Variants in DTWD1 observed in about 807,000 individuals in gnomAD.
The protein encoded by DTWD1 is DTW motif tRNA-uridine aminocarboxypropyltransferase 1, also known as tRNA-uridine aminocarboxypropyltransferase 1.
In DTWD1, 27 loss-of-function variants were observed where a neutral mutation model predicts 30.2. The observed-to-expected ratio is 0.90, with a 90% CI of 0.66 to 1.23. DTWD1 has a LOEUF of 1.23. Ranked by LOEUF, DTWD1 falls within the 50% of genes most tolerant of loss-of-function variation. The pLI is 0.00. For synonymous variants in DTWD1, 99 were observed against 113.1 expected (o/e 0.88, Z 0.79); for missense variants, 342 against 348.8 (o/e 0.98, Z 0.15).
chr15:49,643,492 C>G lies in DTWD1; in HGVS notation c.829C>G (p.Leu277Val), dbSNP rs1455272657. The G allele has an allele frequency of 3.1e-6, 5 of 1,608,906 alleles. No homozygotes were observed. The highest frequency in any genetic ancestry group is 4.2e-6 in the Non-Finnish European group (5 of 1,177,520). Residue 277 changes from leucine (L) to valine (V), a missense_variant, in exon 5 of 5, where the codon CTT becomes GTT. Coordinates refer to ENST00000403028, the MANE Select transcript of DTWD1 (RefSeq NM_001144955.2). ...KEKYRGQYDN[L>V]LFFYSFMYQL... ...GAAATACAGAGGGCAATATGACAAT[C>G]TTTTATTTTTCTATTCTTTTATGTA...
intron 4 of DTWD1, among the ~76,000 whole-genome samples, chr15:49,639,811 C>T (rs945351009): frequency 5.9e-5 from 9 of 152,158 alleles, no homozygotes; most frequent in African/African-American, 2.2e-4. Flanking sequence ...AATTTTTAAG[C>T]TTGTCATTGA....
chr15:49,632,533 T>G (rs1398474957), intron 3 of DTWD1, among the ~76,000 whole-genome samples: 1 of 152,226 alleles, frequency 6.6e-6, no homozygotes, highest in African/African-American at 2.4e-5. Flanking sequence ...TCTTCTGCCT[T>G]ATTTCTTCAG....
chr15:49,626,174 A>G (rs7175805), intron 2 of DTWD1, among the ~76,000 whole-genome samples: 9,083 of 152,180 alleles, frequency 0.06, 705 homozygotes, highest in African/African-American at 0.18. Context: ...ATACTAAAAA[A>G]AAAGTTTATA....
In DTWD1 at chr15:49,652,748, A is replaced by G. The variant is rs574947853; in HGVS notation, c.*9170A>G. 31 of 152,276 alleles carry G rather than the reference A, an allele frequency of 2.0e-4. No homozygotes were observed. The highest frequency in any genetic ancestry group is 7.5e-4 in the African/African-American group (31 of 41,572). 9.4% of individuals were successfully genotyped at this position (152,276 alleles called of 1,614,324 possible). On this transcript the variant is annotated 3_prime_UTR_variant, in exon 5 of 5. Coordinates refer to ENST00000403028, the MANE Select transcript of DTWD1 (RefSeq NM_001144955.2). Reference sequence around the variant, plus strand: ...TCCCTAAGCATACAGGGAGACATAGATCTATGTGGAGCAAAGGGTGGATTG... The same window carrying G: ...TCCCTAAGCATACAGGGAGACATAGGTCTATGTGGAGCAAAGGGTGGATTG...
Position 49,643,546 on chromosome 15 carries a change from G to C in DTWD1, c.883G>C (p.Gly295Arg). 6.3e-7 allele frequency: 1 copy of C among 1,598,752 alleles called. No homozygotes were observed. Among genetic ancestry groups the C allele is most frequent in the Non-Finnish European group, 8.5e-7 (1 of 1,174,874 alleles). ...GTTGATAAAGAATGCCAAATGCTCT[G>C]GAGATAAGGAAACAGGAAAACTTAC... ...YQLIKNAKCS[G>R]DKETGKLTH The change falls in exon 5 of 5, where the codon GGA (glycine) becomes CGA (arginine). Residue 295 changes from glycine (G) to arginine (R), a missense_variant. Transcript: ENST00000403028.
chr15:49,627,405 A>G (rs994966097), intron 2 of DTWD1, among the ~76,000 whole-genome samples: 3 of 152,202 alleles, frequency 2.0e-5, no homozygotes, highest in African/African-American at 4.8e-5. Flanking sequence ...GAGGATGACA[A>G]TATAATGAGT....
intron 4 of DTWD1, among the ~76,000 whole-genome samples, chr15:49,636,075 A>G (rs548821768): frequency 2.0e-4 from 30 of 152,312 alleles, no homozygotes; most frequent in African/African-American, 7.0e-4. Context: ...CTGGGATATT[A>G]TAGAAATTGA....
chr15:49,644,637 G>A lies in DTWD1; in HGVS notation c.*1059G>A, dbSNP rs1394811973. ...TATTTATTTCCCTGGCTCCTTTCCT[G>A]CCATGTCATCATCAGTTGGCTGTGT... On this transcript the variant is annotated 3_prime_UTR_variant, in exon 5 of 5. Transcript: ENST00000403028. 6.6e-6 allele frequency: 1 copy of A among 152,086 alleles called. No homozygotes were observed. The highest frequency in any genetic ancestry group is 1.9e-4 in the East Asian group (1 of 5,190). The allele number at this position is 152,086 out of a possible 1,614,324, so 9.4% of individuals were successfully genotyped here.
At chr15:49,628,470 A>G (rs1416970777) in intron 2 of DTWD1, among the ~76,000 whole-genome samples, 2 of 152,238 alleles carry the variant, frequency 1.3e-5, no homozygotes, top group Admixed American at 6.5e-5. Flanking sequence ...CATCAGCATC[A>G]TCACAAGCAT....
At chr15:49,637,694 G>A (rs1398938770) in intron 4 of DTWD1, among the ~76,000 whole-genome samples, 1 of 152,106 alleles carries the variant, frequency 6.6e-6, no homozygotes. Context: ...TTGATATTAG[G>A]CAGTTGCTAA....
rs2079173129 is a variant in DTWD1, at chr15:49,655,575, T to G, written c.*11997T>G. On this transcript the variant is annotated 3_prime_UTR_variant, in exon 5 of 5. Coordinates refer to ENST00000403028, the MANE Select transcript of DTWD1 (RefSeq NM_001144955.2). ...TTCTATAAATATTGAGACATTCCCT[T>G]TCTACCTTTGGCTAAGAATTGGGGT... 1.3e-5 allele frequency: 2 copies of G among 152,156 alleles called. No individual in the cohort carries two copies. Among genetic ancestry groups the G allele is most frequent in the South Asian group, 4.1e-4 (2 of 4,824 alleles). 9.4% of individuals were successfully genotyped at this position (152,156 alleles called of 1,614,324 possible).
chr15:49,639,777 C>T (rs1406519083), intron 4 of DTWD1, among the ~76,000 whole-genome samples: 1 of 152,012 alleles, frequency 6.6e-6, no homozygotes, highest in African/African-American at 2.4e-5. Flanking sequence ...TTCTTTTATC[C>T]ATAGTGCTGT....
At position 49,650,144 on chromosome 15, in the gene DTWD1, A is replaced by AG. The variant is rs1361207824; in HGVS notation, c.*6568dup. On this transcript the variant is annotated 3_prime_UTR_variant, in exon 5 of 5. Coordinates refer to ENST00000403028, the MANE Select transcript of DTWD1 (RefSeq NM_001144955.2). ...TACTTGGCATGTTTGAGGAATAACA[A>AG]GGACACTAGTTTGGAACAGTGTGTG... 6.6e-6 allele frequency: 1 copy of AG among 152,124 alleles called. No individual in the cohort carries two copies. Among genetic ancestry groups the AG allele is most frequent in the Non-Finnish European group, 1.5e-5 (1 of 68,018 alleles). 9.4% of individuals were successfully genotyped at this position (152,124 alleles called of 1,614,324 possible). A position where few individuals can be genotyped will look rare whatever the true frequency, so the allele number is the denominator to read the frequency against.
In DTWD1 at chr15:49,647,884, T is replaced by TA. The variant is rs1290414227; in HGVS notation, c.*4312dup. 1.3e-5 allele frequency: 2 copies of TA among 150,992 alleles called. No homozygotes were observed. The highest frequency in any genetic ancestry group is 3.0e-5 in the Non-Finnish European group (2 of 67,736). The allele number at this position is 150,992 out of a possible 1,614,324, so 9.4% of individuals were successfully genotyped here. A position where few individuals can be genotyped will look rare whatever the true frequency, so the allele number is the denominator to read the frequency against. On this transcript the variant is annotated 3_prime_UTR_variant, in exon 5 of 5. Coordinates refer to ENST00000403028, the MANE Select transcript of DTWD1 (RefSeq NM_001144955.2). ...GGAGAGTGTGAAAAAGAACAAGCAA[T>TA]AAAAAAGATCTCAGAAATTTAAAAA...
intron 2 of DTWD1, chr15:49,626,643 A>G: frequency 3.0e-6 from 1 of 333,708 alleles, no homozygotes; most frequent in Non-Finnish European, 6.2e-6. Flanking sequence ...AAAAAAAATA[A>G]GTTGTAGCTA....
chr15:49,634,451 C>T, intron 3 of DTWD1, 85 bp from the exon 4 acceptor site: 1 of 1,401,816 alleles, frequency 7.1e-7, no homozygotes, highest in Non-Finnish European at 9.5e-7. Context: ...TTCAACATAT[C>T]TTTCTTAAAA....
In DTWD1 at chr15:49,649,019, C is replaced by T. The variant is rs924139582; in HGVS notation, c.*5441C>T. 1.9e-4 allele frequency: 29 copies of T among 151,696 alleles called. No homozygotes were observed. Among genetic ancestry groups the T allele is most frequent in the African/African-American group, 6.1e-4 (25 of 41,278 alleles). The allele number at this position is 151,696 out of a possible 1,614,324, so 9.4% of individuals were successfully genotyped here. On this transcript the variant is annotated 3_prime_UTR_variant, in exon 5 of 5. Coordinates refer to ENST00000403028, the MANE Select transcript of DTWD1 (RefSeq NM_001144955.2). ...AATAGGAGTAACAGAATGGGAAAGG[C>T]GTGGAAAAAAATTTGTGATTTCTAA... is the stretch of plus-strand genomic sequence containing the variant.
At chr15:49,637,068 A>G (rs914852116) in intron 4 of DTWD1, among the ~76,000 whole-genome samples, 7 of 152,190 alleles carry the variant, frequency 4.6e-5, no homozygotes, top group Admixed American at 1.3e-4. Flanking sequence ...TGAAATTTTA[A>G]TTACATGATT....
intron 2 of DTWD1, 142 bp from the exon 3 acceptor site, chr15:49,632,017 A>G: frequency 1.2e-6 from 1 of 834,098 alleles, no homozygotes; most frequent in African/African-American, 1.7e-5. Flanking sequence ...ACCATTCTTA[A>G]TATTATGGTA....
Sources: gnomAD v4.1 joint callset for allele counts (sites outside exome capture counted in the v4.1 genomes callset) on GRCh38, gnomAD v4.1.1 for gene constraint, MANE v1.5 for transcripts, NCBI Gene and HGNC (gene_info 2026-07-23, HGNC 2026-07-21) for gene names.